The following KATNBL1 variants were observed in gnomAD, a reference collection of about 807,000 sequenced individuals.
KATNBL1 encodes the protein KATNB1-like protein 1.
Under a neutral mutation model 44.7 loss-of-function variants are expected in KATNBL1, and 28 were observed. That is an observed-to-expected ratio of 0.63 (90% CI 0.46 to 0.86). The LOEUF is 0.86. Ranked by LOEUF, KATNBL1 falls within the 40% of genes least tolerant of loss-of-function variation. The pLI, the probability that KATNBL1 is intolerant of heterozygous loss-of-function variation, is 0.00. For synonymous variants in KATNBL1, 78 were observed against 114.9 expected, an observed-to-expected ratio of 0.68 and a Z score of 2.06; for missense variants, 272 against 350.7, an observed-to-expected ratio of 0.78 and a Z score of 1.79.
intron 1 of KATNBL1, among the ~76,000 whole-genome samples, chr15:34,189,271 G>GC (rs1430991692): frequency 1.3e-5 from 2 of 152,164 alleles, no homozygotes; most frequent in Non-Finnish European, 2.9e-5. Context: ...TTATCCGCCC[G>GC]CCTCAGCCTC....
chr15:34,172,685 C>T (rs1889201421), intron 1 of KATNBL1, among the ~76,000 whole-genome samples: 1 of 151,978 alleles, frequency 6.6e-6, no homozygotes, highest in Non-Finnish European at 1.5e-5. Flanking sequence ...GGGAAGAGTA[C>T]AGAGGATACT....
chr15:34,169,990 T>C (rs959846414), intron 1 of KATNBL1, among the ~76,000 whole-genome samples: 2 of 152,202 alleles, frequency 1.3e-5, no homozygotes, highest in Non-Finnish European at 2.9e-5. Context: ...TCATACTGAA[T>C]GGGCAAAAAC....
Position 34,184,576 on chromosome 15 carries a change from C to CTTTT in KATNBL1, c.-14-20890_-14-20887dup, listed in dbSNP as rs71119942. Among the ~76,000 whole-genome samples the CTTTT allele has an allele frequency of 2.1e-5, 2 of 95,258 alleles. 1 individual carries two copies. Among genetic ancestry groups the CTTTT allele is most frequent in the African/African-American group, 7.8e-5 (2 of 25,528 alleles). The allele number at this position is 95,258 out of a possible 152,430, so 62.5% of individuals were successfully genotyped here. A position where few individuals can be genotyped will look rare whatever the true frequency, so the allele number is the denominator to read the frequency against. On this transcript the variant is annotated intron_variant, in intron 1 of 9. Coordinates refer to ENST00000256544, the MANE Select transcript of KATNBL1 (RefSeq NM_024713.3). ...ATACTTCCTGTCTCTCCTAATGTTTCTTTTTTTTTTTTTTGAGACAGAGTC... is the reference window on the plus strand; with the variant it reads ...ATACTTCCTGTCTCTCCTAATGTTTCTTTTTTTTTTTTTTTTTTGAGACAGAGTC...
Position 34,200,857 on chromosome 15 carries a change from G to A in KATNBL1, c.-15+9094C>T, listed in dbSNP as rs1464692205. Reference sequence around the variant, plus strand: ...TTTTGAGACAGCGTCTTGCTCTGTCGCCAGGCTGGAGTGCAGTGGCGCCAT... The same window carrying A: ...TTTTGAGACAGCGTCTTGCTCTGTCACCAGGCTGGAGTGCAGTGGCGCCAT... On this transcript the variant is annotated intron_variant, in intron 1 of 9. Transcript: ENST00000256544. Among the ~76,000 whole-genome samples the A allele has an allele frequency of 3.3e-5, 5 of 150,800 alleles. No homozygotes were observed. The East Asian group carries it at 5.9e-4, about 18-fold the overall frequency.
At chr15:34,159,059 A>T (rs1165126235) in intron 2 of KATNBL1, among the ~76,000 whole-genome samples, 2 of 152,182 alleles carry the variant, frequency 1.3e-5, no homozygotes, top group Non-Finnish European at 2.9e-5. Context: ...AAAATTATTG[A>T]TTCAATAAGC....
intron 1 of KATNBL1, among the ~76,000 whole-genome samples, chr15:34,189,548 A>G (rs1353242388): frequency 6.6e-6 from 1 of 152,240 alleles, no homozygotes; most frequent in African/African-American, 2.4e-5. Context: ...TCAAAGGTTT[A>G]AAAAACTTGA....
chr15:34,159,303 T>C (rs912189894), intron 2 of KATNBL1, among the ~76,000 whole-genome samples: 1 of 152,186 alleles, frequency 6.6e-6, no homozygotes, highest in East Asian at 1.9e-4. Flanking sequence ...GCTACTGTTT[T>C]GTTTACATTG....
At chr15:34,145,541 CA>C (rs765399445) in intron 8 of KATNBL1, 50 bp from the exon 9 acceptor site, 1 of 1,337,406 alleles carries the variant, frequency 7.5e-7, no homozygotes, top group South Asian at 1.9e-5. Flanking sequence ...CATTAAGATA[CA>C]AACTTTCATC....
chr15:34,193,236 CAAAA>C (rs869058713), intron 1 of KATNBL1, among the ~76,000 whole-genome samples: 1 of 79,182 alleles, frequency 1.3e-5, no homozygotes, highest in African/African-American at 4.3e-5. Flanking sequence ...AAAAAAAAAA[CAAAA>C]AAAAAACTTA....
At chr15:34,187,313 C>T (rs1889745546) in intron 1 of KATNBL1, among the ~76,000 whole-genome samples, 1 of 152,152 alleles carries the variant, frequency 6.6e-6, no homozygotes, top group Non-Finnish European at 1.5e-5. Flanking sequence ...AACTGGACGA[C>T]CTGCCTACAG....
chr15:34,207,608 G>A (rs954422287), intron 1 of KATNBL1, among the ~76,000 whole-genome samples: 1 of 110,274 alleles, frequency 9.1e-6, no homozygotes, highest in Non-Finnish European at 1.8e-5. Flanking sequence ...CCAAAGTGCT[G>A]GGATTACAGG....
intron 2 of KATNBL1, among the ~76,000 whole-genome samples, chr15:34,163,218 A>G (rs1888862226): frequency 6.6e-6 from 1 of 151,620 alleles, no homozygotes; most frequent in Admixed American, 6.6e-5. Flanking sequence ...TAATTTTTGT[A>G]TTTTTAGTAG....
chr15:34,169,662 C>G (rs1889098258), intron 1 of KATNBL1, among the ~76,000 whole-genome samples: 1 of 152,196 alleles, frequency 6.6e-6, no homozygotes, highest in Non-Finnish European at 1.5e-5. Flanking sequence ...ACCAATATCC[C>G]TGATGAACAC....
chr15:34,169,741 C>T lies in KATNBL1; in HGVS notation c.-14-6051G>A, dbSNP rs545760770. Among the ~76,000 whole-genome samples the T allele has an allele frequency of 3.3e-5, 5 of 152,284 alleles. No individual in the cohort carries two copies. The East Asian group carries it at 7.7e-4, about 23-fold the overall frequency. On this transcript the variant is annotated intron_variant, in intron 1 of 9. Coordinates refer to ENST00000256544, the MANE Select transcript of KATNBL1 (RefSeq NM_024713.3). ...CAGCACATCAAAACCTTATCCACCACGATCAAGTCGGCTTCATCCCTGGGA... is the reference window on the plus strand; with the variant it reads ...CAGCACATCAAAACCTTATCCACCATGATCAAGTCGGCTTCATCCCTGGGA...
At chr15:34,184,131 G>A (rs572725391) in intron 1 of KATNBL1, among the ~76,000 whole-genome samples, 14 of 152,186 alleles carry the variant, frequency 9.2e-5, no homozygotes, top group Non-Finnish European at 1.6e-4. Context: ...GTGAAACCCC[G>A]TCTCTACTGA....
chr15:34,205,420 G>A (rs768616565), intron 1 of KATNBL1, among the ~76,000 whole-genome samples: 7 of 152,132 alleles, frequency 4.6e-5, no homozygotes, highest in Non-Finnish European at 8.8e-5. Context: ...GTGTAGCACA[G>A]GGAATGGCTA....
intron 8 of KATNBL1, 27 bp from the exon 9 acceptor site, chr15:34,145,518 G>T: frequency 7.1e-7 from 1 of 1,401,898 alleles, no homozygotes; most frequent in Non-Finnish European, 9.3e-7. Flanking sequence ...GAAGAAAAAT[G>T]AGAAAGCAAA....
At chr15:34,181,675 T>C (rs1020328209) in intron 1 of KATNBL1, among the ~76,000 whole-genome samples, 1 of 87,928 alleles carries the variant, frequency 1.1e-5, no homozygotes, top group African/African-American at 4.4e-5. Context: ...TCCATATATA[T>C]ACACATATAT....
intron 1 of KATNBL1, among the ~76,000 whole-genome samples, chr15:34,168,616 C>T (rs1175515599): frequency 6.6e-6 from 1 of 152,180 alleles, no homozygotes; most frequent in Non-Finnish European, 1.5e-5. Flanking sequence ...AACTCTTCAC[C>T]CCAAATCAAC....
Sources: gnomAD v4.1 joint callset for allele counts (sites outside exome capture counted in the v4.1 genomes callset) on GRCh38, gnomAD v4.1.1 for gene constraint, MANE v1.5 for transcripts, NCBI Gene and HGNC (gene_info 2026-07-23, HGNC 2026-07-21) for gene names.